HNRNPM: variants seen among roughly 807,000 people sequenced by gnomAD.
HNRNPM encodes the protein heterogeneous nuclear ribonucleoprotein M, also known as CEA receptor.
Under a neutral mutation model 73.1 loss-of-function variants are expected in HNRNPM, and 11 were observed. That is an observed-to-expected ratio of 0.15 (90% CI 0.09 to 0.25). The LOEUF (loss-of-function observed/expected upper bound fraction) is 0.25. Among genes scored for constraint, HNRNPM ranks in the 10% least tolerant of loss-of-function variants. The probability of loss-of-function intolerance (pLI) is 1.00; values close to 1 mark genes in which losing one functional copy is unlikely to be tolerated. For synonymous variants in HNRNPM, 407 were observed against 355.2 expected, an observed-to-expected ratio of 1.15 and a Z score of -1.64; for missense variants, 789 against 1,067.9, an observed-to-expected ratio of 0.74 and a Z score of 3.64.
chr19:8,467,472 T>G (rs1568278481), intron 7 of HNRNPM, 63 bp from the exon 8 acceptor site: 2 of 1,270,608 alleles, frequency 1.6e-6, no homozygotes, highest in Non-Finnish European at 2.3e-6. Context: ...TTTTTCTTTC[T>G]TTTTGTATTT....
chr19:8,449,281 G>A (rs1371037642), intron 1 of HNRNPM, among the ~76,000 whole-genome samples: 2 of 152,068 alleles, frequency 1.3e-5, no homozygotes, highest in Admixed American at 6.6e-5. Flanking sequence ...TAGCTTGCTT[G>A]TTTTTTTGGG....
chr19:8,482,364 A>G (rs568345260), intron 12 of HNRNPM, among the ~76,000 whole-genome samples: 2 of 152,176 alleles, frequency 1.3e-5, no homozygotes, highest in South Asian at 4.1e-4. Flanking sequence ...GGGTGGGTAC[A>G]AGTGTCTTCT....
intron 9 of HNRNPM, 96 bp downstream of exon 9, chr19:8,468,930 T>TCA: frequency 2.1e-6 from 2 of 965,514 alleles, no homozygotes; most frequent in Non-Finnish European, 3.4e-6. Flanking sequence ...TGTGCCAGGT[T>TCA]AGCCCTCAGT....
At chr19:8,461,268 T>C (rs1969378001) in intron 2 of HNRNPM, among the ~76,000 whole-genome samples, 1 of 152,252 alleles carries the variant, frequency 6.6e-6, no homozygotes, top group Non-Finnish European at 1.5e-5. Context: ...TTAAATTTTT[T>C]GTAAAATAAT....
At chr19:8,471,229 G>A in intron 9 of HNRNPM, 97 bp from the exon 10 acceptor site, 1 of 637,312 alleles carries the variant, frequency 1.6e-6, no homozygotes, top group Non-Finnish European at 2.6e-6. Context: ...TGGGTAGGCT[G>A]AAGTGGATAG....
intron 1 of HNRNPM, among the ~76,000 whole-genome samples, chr19:8,447,881 C>A (rs1485958279): frequency 6.6e-6 from 1 of 152,122 alleles, no homozygotes; most frequent in East Asian, 1.9e-4. Flanking sequence ...AAAAAATTAG[C>A]CGGGCGTGGT....
Position 8,483,451 on chromosome 19 carries a change from T to C in HNRNPM, c.1174+240T>C, listed in dbSNP as rs1971060177. 2.6e-5 allele frequency among the ~76,000 whole-genome samples: 4 copies of C among 152,236 alleles called. No homozygotes were observed. In the South Asian group the frequency reaches 8.3e-4, roughly 31 times the overall value. On this transcript the variant is annotated intron_variant, in intron 13 of 15. Transcript: ENST00000325495. ...CCTCAGGGATGCTGTGGAGAGTGAA[T>C]GCATGTGAAAGAGTGCTTCCGCACG...
rs1971518320 is a variant in HNRNPM, at chr19:8,489,020, T to C, written c.*166T>C. 3.2e-6 allele frequency: 2 copies of C among 630,812 alleles called. No homozygotes were observed. Among genetic ancestry groups the C allele is most frequent in the South Asian group, 4.4e-5 (2 of 44,944 alleles). 39.1% of individuals were successfully genotyped at this position (630,812 alleles called of 1,614,324 possible). On this transcript the variant is annotated 3_prime_UTR_variant, in exon 16 of 16. Coordinates refer to ENST00000325495, the MANE Select transcript of HNRNPM (RefSeq NM_005968.5). ...ATGACTGGGGTTCCATTTGACTGTT[T>C]GCATTGAGATTGCAATGTGCGCAAT...
chr19:8,485,880 G>A lies in HNRNPM; in HGVS notation c.1452G>A (p.Glu484=). ...QTMERIGSGV[E]RMGAGMGFGL... ...TGGAGCGCATTGGCTCTGGCGTGGAGCGCATGGGTGCCGGCATGGGCTTCG... is the reference window on the plus strand; with the variant it reads ...TGGAGCGCATTGGCTCTGGCGTGGAACGCATGGGTGCCGGCATGGGCTTCG... Residue 484 remains glutamate, a synonymous_variant, in exon 14 of 16, where the codon GAG becomes GAA. Coordinates refer to ENST00000325495, the MANE Select transcript of HNRNPM (RefSeq NM_005968.5). 1 of 1,604,516 alleles carries A rather than the reference G, an allele frequency of 6.2e-7. No homozygotes were observed. Among genetic ancestry groups the A allele is most frequent in the Non-Finnish European group, 8.5e-7 (1 of 1,179,626 alleles).
chr19:8,479,205 A>T (rs7248478), intron 12 of HNRNPM, among the ~76,000 whole-genome samples: 1 of 150,874 alleles, frequency 6.6e-6, no homozygotes, highest in African/African-American at 2.5e-5. Context: ...CCTGCTTCAG[A>T]CTCTTGAGTA....
intron 12 of HNRNPM, among the ~76,000 whole-genome samples, chr19:8,478,689 A>G (rs1970682658): frequency 6.6e-6 from 1 of 152,106 alleles, no homozygotes; most frequent in Non-Finnish European, 1.5e-5. Context: ...ATTTGTCTTT[A>G]AGTCTTTTCA....
In HNRNPM at chr19:8,462,620, A is replaced by C. The variant is rs746140004; in HGVS notation, c.336+39A>C. ...AGAATTTCTTCTGTGGATTTACTACATGAAAAATGTAACTGTATGGTGGCG... is the reference window on the plus strand; with the variant it reads ...AGAATTTCTTCTGTGGATTTACTACCTGAAAAATGTAACTGTATGGTGGCG... On this transcript the variant is annotated intron_variant, in intron 3 of 15. Coordinates refer to ENST00000325495, the MANE Select transcript of HNRNPM (RefSeq NM_005968.5). This position sits in a 1 kb window ranked among gnomAD's most constrained non-coding sequence, Gnocchi z 4.5. 82 of 1,510,040 alleles carry C rather than the reference A, an allele frequency of 5.4e-5. No homozygotes were observed. Among genetic ancestry groups the C allele is most frequent in the Non-Finnish European group, 7.2e-5 (78 of 1,084,972 alleles). The allele number at this position is 1,510,040 out of a possible 1,614,324, so 93.5% of individuals were successfully genotyped here.
chr19:8,452,130 A>G (rs7253907), intron 1 of HNRNPM, among the ~76,000 whole-genome samples: 9,199 of 152,132 alleles, frequency 0.06, 600 homozygotes, highest in African/African-American at 0.16. Flanking sequence ...GTTAGATTGG[A>G]TAGTTTATTC....
chr19:8,485,064 C>G (rs1030495962), intron 13 of HNRNPM, among the ~76,000 whole-genome samples: 2 of 151,668 alleles, frequency 1.3e-5, no homozygotes, highest in East Asian at 1.9e-4. Flanking sequence ...ATGGTGTGGC[C>G]GAAAATCCTT....
intron 2 of HNRNPM, among the ~76,000 whole-genome samples, chr19:8,461,254 A>G (rs1969376702): frequency 6.6e-6 from 1 of 152,184 alleles, no homozygotes; most frequent in Non-Finnish European, 1.5e-5. Flanking sequence ...TGTCCTTCAG[A>G]TCTTTAAATT....
In HNRNPM at chr19:8,486,114, T is replaced by C. The variant is rs1425168704; in HGVS notation, c.1686T>C (p.Asn562=). 5.0e-6 allele frequency: 8 copies of C among 1,603,650 alleles called. No individual in the cohort carries two copies. The highest frequency in any genetic ancestry group is 6.8e-6 in the Non-Finnish European group (8 of 1,178,886). Residue 562 remains asparagine, a synonymous_variant, in exon 14 of 16, where the codon AAT becomes AAC. Coordinates refer to ENST00000325495, the MANE Select transcript of HNRNPM (RefSeq NM_005968.5). ...GCCTGGAGCGCATGGGCGCCAACAA[T>C]CTGGAGCGGATGGGCCTGGAGCGCA... ...ATGLERMGAN[N]LERMGLERMG...
chr19:8,474,327 T>TA (rs1246118337), intron 12 of HNRNPM, 83 bp downstream of exon 12: 1 of 823,560 alleles, frequency 1.2e-6, no homozygotes, highest in African/African-American at 1.8e-5. Flanking sequence ...GCAGACCCAC[T>TA]GAATAAGTGG....
intron 2 of HNRNPM, among the ~76,000 whole-genome samples, chr19:8,455,944 CTTTTTTT>C (rs369296420): frequency 7.4e-6 from 1 of 134,506 alleles, no homozygotes; most frequent in East Asian, 2.1e-4. Flanking sequence ...CCTTTCTTTC[CTTTTTTT>C]TTTTTTTTTA....
intron 13 of HNRNPM, among the ~76,000 whole-genome samples, chr19:8,484,573 C>G (rs1408073840): frequency 6.6e-6 from 1 of 152,250 alleles, no homozygotes; most frequent in African/African-American, 2.4e-5. Context: ...GAAAGTCACA[C>G]ATTCTTAGAG....
Sources: allele counts gnomAD v4.1 joint callset (sites outside exome capture counted in the v4.1 genomes callset), GRCh38; gene constraint gnomAD v4.1.1; non-coding constraint Gnocchi (gnomAD v3.1); transcripts MANE v1.5; gene names NCBI Gene and HGNC (gene_info 2026-07-23, HGNC 2026-07-21).